WDHD1: variants seen among roughly 807,000 people sequenced by gnomAD.
The protein encoded by WDHD1 is WD repeat and HMG-box DNA binding protein 1, also known as WD repeat and HMG-box DNA-binding protein 1.
In WDHD1, 111 loss-of-function variants were observed where a neutral mutation model predicts 135.4. The ratio of observed to expected loss-of-function variants is 0.82; its 90% CI spans 0.70 to 0.96. The LOEUF (loss-of-function observed/expected upper bound fraction) is 0.96. Ranked by LOEUF, WDHD1 falls within the 40% of genes least tolerant of loss-of-function variation. The pLI is 0.00. For synonymous variants in WDHD1, 434 were observed against 439.0 expected, an observed-to-expected ratio of 0.99 and a Z score of 0.14; for missense variants, 1,351 against 1,336.3, an observed-to-expected ratio of 1.01 and a Z score of -0.17.
At chr14:55,010,579 A>AG (rs2042152548) in intron 3 of WDHD1, 119 bp from the exon 4 acceptor site, 2 of 877,106 alleles carry the variant, frequency 2.3e-6, no homozygotes, top group African/African-American at 3.5e-5. Flanking sequence ...TCATATCAAG[A>AG]GAAAAATTAT....
chr14:54,941,275 C>T lies in WDHD1; in HGVS notation c.*215G>A, dbSNP rs545739609. On this transcript the variant is annotated 3_prime_UTR_variant, in exon 26 of 26. Coordinates refer to ENST00000360586, the MANE Select transcript of WDHD1 (RefSeq NM_007086.4). ...CAATCACAATGCATCTCTGAAAGGC[C>T]CTGCATTTGGAGGCAGAGTAATCTG... The T allele has an allele frequency of 4.1e-5, 16 of 389,910 alleles. No individual in the cohort carries two copies. In the East Asian group the frequency reaches 6.3e-4, roughly 15 times the overall value. 24.2% of individuals were successfully genotyped at this position (389,910 alleles called of 1,614,324 possible).
chr14:54,974,250 C>T (rs995367824), intron 16 of WDHD1, among the ~76,000 whole-genome samples: 14 of 151,720 alleles, frequency 9.2e-5, no homozygotes, highest in Non-Finnish European at 7.4e-5. Flanking sequence ...AGCAAAACCT[C>T]GTCTCTACAA....
At chr14:55,003,969 C>A (rs1014160521) in intron 7 of WDHD1, among the ~76,000 whole-genome samples, 3 of 152,160 alleles carry the variant, frequency 2.0e-5, no homozygotes, top group Non-Finnish European at 2.9e-5. Flanking sequence ...TGGAAATTAG[C>A]TCTGTTTTAT....
At chr14:54,979,114 T>C (rs573965064) in intron 16 of WDHD1, among the ~76,000 whole-genome samples, 12 of 152,294 alleles carry the variant, frequency 7.9e-5, no homozygotes, top group South Asian at 4.2e-4. Context: ...AGACTTTTTA[T>C]CCTCCTTTAG....
chr14:54,981,903 GAT>G (rs1186363127), intron 15 of WDHD1, among the ~76,000 whole-genome samples: 1 of 152,136 alleles, frequency 6.6e-6, no homozygotes, highest in East Asian at 1.9e-4. Context: ...CATTGGATTT[GAT>G]ATGACTAAAA....
chr14:55,026,718 AATC>A lies in WDHD1; in HGVS notation c.67_69del (p.Asp23del). The A allele has an allele frequency of 6.2e-7, 1 of 1,614,246 alleles. No homozygotes were observed. Among genetic ancestry groups the A allele is most frequent in the African/African-American group, 1.3e-5 (1 of 75,072 alleles). On this transcript the variant is annotated inframe_deletion, in exon 2 of 26. Transcript: ENST00000360586. Reference sequence around the variant, plus strand: ...TTTCTCAAAGAACCTTACCTCCCAGAATCATCAAAACAGACCTCCGTGTGTCCC... The same window carrying A: ...TTTCTCAAAGAACCTTACCTCCCAGAATCAAAACAGACCTCCGTGTGTCCC...
chr14:54,994,044 T>C (rs148632523), intron 11 of WDHD1, among the ~76,000 whole-genome samples: 1,550 of 152,270 alleles, frequency 0.01, 34 homozygotes, highest in African/African-American at 0.035. Flanking sequence ...TCAAGTGTTA[T>C]TGTAGCATGT....
chr14:55,008,268 T>A, intron 6 of WDHD1, 48 bp downstream of exon 6: 1 of 1,577,980 alleles, frequency 6.3e-7, no homozygotes, highest in Non-Finnish European at 8.7e-7. Context: ...TATAACAATT[T>A]ATTACAGAAA....
At chr14:55,004,507 C>T (rs1050207631) in intron 7 of WDHD1, among the ~76,000 whole-genome samples, 2 of 152,072 alleles carry the variant, frequency 1.3e-5, no homozygotes, top group Non-Finnish European at 2.9e-5. Flanking sequence ...AGCTAGAGTG[C>T]AGTATTGTGA....
At chr14:55,003,961 G>A (rs2140217382) in intron 7 of WDHD1, among the ~76,000 whole-genome samples, 1 of 152,256 alleles carries the variant, frequency 6.6e-6, no homozygotes, top group East Asian at 1.9e-4. Flanking sequence ...GCACACTATG[G>A]AAATTAGCTC....
chr14:54,955,787 A>C (rs2041145234), intron 23 of WDHD1, 93 bp from the exon 24 acceptor site: 2 of 1,114,476 alleles, frequency 1.8e-6, no homozygotes, highest in African/African-American at 3.2e-5. Context: ...AACATCTATA[A>C]TTATTGAGAA....
rs2040811746 is a variant in WDHD1 at position 54,939,691 on chromosome 14, AG to A, written c.*1798del. On this transcript the variant is annotated 3_prime_UTR_variant, in exon 26 of 26. Transcript: ENST00000360586. ...AAGTTCTGATTTGTAAGTTAAACCA[AG>A]TCAATACAAAAACCTTCCTTCAGCC... The A allele has an allele frequency of 6.6e-6, 1 of 152,204 alleles. No homozygotes were observed. The highest frequency in any genetic ancestry group is 1.5e-5 in the Non-Finnish European group (1 of 68,022). The allele number at this position is 152,204 out of a possible 1,614,324, so 9.4% of individuals were successfully genotyped here.
rs2040803971 is a variant in WDHD1 at position 54,939,054 on chromosome 14, C to T, written c.*2436G>A. 1 of 152,036 alleles carries T rather than the reference C, an allele frequency of 6.6e-6. No individual in the cohort carries two copies. 9.4% of individuals were successfully genotyped at this position (152,036 alleles called of 1,614,324 possible). ...GGAAAAATCCTGTCTATAAAGCATA[C>T]ATGATAAAATGTCAACAATAAGACA... On this transcript the variant is annotated 3_prime_UTR_variant, in exon 26 of 26. Transcript: ENST00000360586.
chr14:55,007,697 T>C (rs1177534814), intron 6 of WDHD1, among the ~76,000 whole-genome samples: 1 of 152,186 alleles, frequency 6.6e-6, no homozygotes, highest in Non-Finnish European at 1.5e-5. Flanking sequence ...ACTTCAATGG[T>C]CTACTATAAA....
intron 23 of WDHD1, among the ~76,000 whole-genome samples, chr14:54,956,273 A>G (rs2041157681): frequency 6.6e-6 from 1 of 152,126 alleles, no homozygotes; most frequent in South Asian, 2.1e-4. Flanking sequence ...TAATAAAAAT[A>G]CAGATAAATG....
chr14:54,952,678 T>C (rs2041080057), intron 24 of WDHD1, among the ~76,000 whole-genome samples: 1 of 152,186 alleles, frequency 6.6e-6, no homozygotes, highest in African/African-American at 2.4e-5. Flanking sequence ...AGAGCCCGCA[T>C]TGCCAAGTCA....
chr14:54,953,981 G>A (rs539153417), intron 24 of WDHD1, among the ~76,000 whole-genome samples: 1 of 152,176 alleles, frequency 6.6e-6, no homozygotes, highest in East Asian at 1.9e-4. Flanking sequence ...GTGGGGTGGG[G>A]GAAGTAGGGA....
At chr14:54,968,329 C>CA (rs1189779455) in intron 16 of WDHD1, among the ~76,000 whole-genome samples, 2 of 151,964 alleles carry the variant, frequency 1.3e-5, no homozygotes, top group African/African-American at 4.8e-5. Flanking sequence ...AAAACAGACA[C>CA]AACATATCAA....
intron 17 of WDHD1, 130 bp downstream of exon 17, chr14:54,967,150 C>G: frequency 1.4e-6 from 1 of 731,534 alleles, no homozygotes; most frequent in South Asian, 1.7e-5. Context: ...TCTTCCCTCC[C>G]TGCTACCCCT....
Sources: gnomAD v4.1 joint callset for allele counts (sites outside exome capture counted in the v4.1 genomes callset) on GRCh38, gnomAD v4.1.1 for gene constraint, MANE v1.5 for transcripts, NCBI Gene and HGNC (gene_info 2026-07-23, HGNC 2026-07-21) for gene names.